Variants in TASOR observed in about 807,000 individuals in gnomAD.
The protein encoded by TASOR is transcription activation suppressor, also known as protein TASOR.
In TASOR, 53 loss-of-function variants were observed where a neutral mutation model predicts 178.6. The ratio of observed to expected loss-of-function variants is 0.30; its 90% CI spans 0.24 to 0.37. The LOEUF (loss-of-function observed/expected upper bound fraction) is 0.37. Ranked by LOEUF, TASOR falls within the 10% of genes least tolerant of loss-of-function variation. The probability of loss-of-function intolerance (pLI) is 1.00; values close to 1 mark genes in which losing one functional copy is unlikely to be tolerated. For missense variants in TASOR, 1,815 were observed against 1,971.4 expected (o/e 0.92, Z 1.50); for synonymous variants, 713 against 696.2 (o/e 1.02, Z -0.38).
intron 11 of TASOR, among the ~76,000 whole-genome samples, chr3:56,656,854 T>C (rs891220314): frequency 4.1e-5 from 6 of 147,568 alleles, no homozygotes; most frequent in African/African-American, 1.5e-4. Context: ...CTACTAAAAA[T>C]ACACAATTAA....
chr3:56,631,965 T>C (rs1179196410), intron 18 of TASOR, among the ~76,000 whole-genome samples: 1 of 152,164 alleles, frequency 6.6e-6, no homozygotes, highest in Non-Finnish European at 1.5e-5. Context: ...ATGAGAAATC[T>C]TTCATGACTG....
intron 17 of TASOR, among the ~76,000 whole-genome samples, chr3:56,634,648 T>A (rs1175695861): frequency 6.6e-6 from 1 of 152,230 alleles, no homozygotes; most frequent in East Asian, 1.9e-4. Flanking sequence ...TATTTTCCTT[T>A]TGTTTGGAAA....
At chr3:56,625,111 A>T (rs2076768692) in intron 21 of TASOR, 105 bp from the exon 22 acceptor site, 2 of 977,136 alleles carry the variant, frequency 2.0e-6, no homozygotes, top group Non-Finnish European at 3.1e-6. Context: ...GCAACTAATG[A>T]CAACTGCACT....
At chr3:56,669,660 G>C in intron 5 of TASOR, 40 bp downstream of exon 5, 1 of 1,232,428 alleles carries the variant, frequency 8.1e-7, no homozygotes, top group Non-Finnish European at 1.1e-6. Flanking sequence ...TCCAAATCAA[G>C]TGTAGTTTTT....
intron 2 of TASOR, among the ~76,000 whole-genome samples, chr3:56,672,457 C>T (rs1236693057): frequency 6.6e-6 from 1 of 152,140 alleles, no homozygotes; most frequent in Non-Finnish European, 1.5e-5. Context: ...CTTGGTTAAC[C>T]AACTTGCAAA....
intron 15 of TASOR, 28 bp downstream of exon 15, chr3:56,641,321 C>CA: frequency 1.3e-6 from 2 of 1,553,980 alleles, no homozygotes; most frequent in Non-Finnish European, 1.8e-6. Flanking sequence ...CTCACAAACA[C>CA]AAAGGTAACC....
chr3:56,636,478 C>T (rs890173945), intron 17 of TASOR, among the ~76,000 whole-genome samples: 2 of 148,170 alleles, frequency 1.3e-5, no homozygotes, highest in Non-Finnish European at 3.0e-5. Context: ...GATCTCGGCT[C>T]ACTGCAACCT....
Position 56,641,579 on chromosome 3 carries a change from A to T in TASOR, c.2389T>A (p.Leu797Ile). Residue 797 changes from leucine (L) to isoleucine (I), a missense_variant, in exon 15 of 24, where the codon TTA becomes ATA. Physicochemically the swap from Leu to Ile is conservative, Grantham distance 5 (BLOSUM62 2). Around this residue, in one of 5 missense-constraint regions of TASOR, gnomAD observed 655 missense variants for 671.1 expected, o/e 0.98. Coordinates refer to ENST00000683822, the MANE Select transcript of TASOR (RefSeq NM_001365635.2). Reference sequence around the variant, plus strand: ...TAGGCATCATCAGTGCTCAATCCTAAGGCTTTGTTGACTGTGTCTGTCAGA... The same window carrying T: ...TAGGCATCATCAGTGCTCAATCCTATGGCTTTGTTGACTGTGTCTGTCAGA... Reference protein sequence around the residue: ...ASLTDTVNKALGLSTDDAYEE... With the variant: ...ASLTDTVNKAIGLSTDDAYEE... 1 of 1,614,136 alleles carries T rather than the reference A, an allele frequency of 6.2e-7. No homozygotes were observed. The highest frequency in any genetic ancestry group is 8.5e-7 in the Non-Finnish European group (1 of 1,180,024).
chr3:56,669,659 A>C, intron 5 of TASOR, 41 bp downstream of exon 5: 1 of 1,227,622 alleles, frequency 8.1e-7, no homozygotes, highest in Non-Finnish European at 1.1e-6. Flanking sequence ...ATCCAAATCA[A>C]GTGTAGTTTT....
Position 56,653,282 on chromosome 3 carries a change from AAAAAAAAG to A in TASOR, c.1369-4233_1369-4226del, listed in dbSNP as rs1345360087. On this transcript the variant is annotated intron_variant, in intron 11 of 23. Coordinates refer to ENST00000683822, the MANE Select transcript of TASOR (RefSeq NM_001365635.2). Reference sequence around the variant, plus strand: ...CATCTCAAAAAAAAAAAAAAAAAAAAAAAAAAAGAAAAGACAAGCTAAAGAAAATGAGG... The same window carrying A: ...CATCTCAAAAAAAAAAAAAAAAAAAAAAAAGACAAGCTAAAGAAAATGAGG... Among the ~76,000 whole-genome samples, 21 of 106,784 alleles carry A rather than the reference AAAAAAAAG, an allele frequency of 2.0e-4. 2 individuals carry two copies. The highest frequency in any genetic ancestry group is 1.1e-3 in the African/African-American group (18 of 16,590). The allele number at this position is 106,784 out of a possible 152,430, so 70.1% of individuals were successfully genotyped here.
intron 1 of TASOR, among the ~76,000 whole-genome samples, chr3:56,674,825 ATT>A (rs1412152997): frequency 2.6e-5 from 4 of 152,174 alleles, no homozygotes; most frequent in Non-Finnish European, 5.9e-5. Context: ...ATAGTAGGAC[ATT>A]GTTTGTTTTG....
At chr3:56,632,259 C>G (rs1429803442) in intron 18 of TASOR, among the ~76,000 whole-genome samples, 1 of 151,856 alleles carries the variant, frequency 6.6e-6, no homozygotes, top group African/African-American at 2.4e-5. Context: ...GATCACGAGG[C>G]CAGGAGTTCC....
At position 56,668,564 on chromosome 3, in the gene TASOR, A is replaced by C; in HGVS notation, c.736-6T>G. On this transcript the variant is annotated splice_polypyrimidine_tract_variant and splice_region_variant and intron_variant, in intron 5 of 23. Transcript: ENST00000683822. ...TATATACTCTTTATTTTACCCTAAAATAGAGAAAACCTTTTAAGTGTCTAC... is the reference window on the plus strand; with the variant it reads ...TATATACTCTTTATTTTACCCTAAACTAGAGAAAACCTTTTAAGTGTCTAC... 1 of 1,532,280 alleles carries C rather than the reference A, an allele frequency of 6.5e-7. No individual in the cohort carries two copies. Among genetic ancestry groups the C allele is most frequent in the Non-Finnish European group, 8.8e-7 (1 of 1,139,346 alleles). The allele number at this position is 1,532,280 out of a possible 1,614,324, so 94.9% of individuals were successfully genotyped here.
Position 56,683,189 on chromosome 3 carries a change from A to T in TASOR, c.-183T>A, listed in dbSNP as rs2031959277. On this transcript the variant is annotated 5_prime_UTR_variant, in exon 1 of 24. In the 5' UTR this introduces an upstream ATG that the reference lacks. Coordinates refer to ENST00000683822, the MANE Select transcript of TASOR (RefSeq NM_001365635.2). ...GGGGGGCCCTGTAGCGGGCACCCCA[A>T]ATGCGCTGCCCGGTCCTCGGAGCCG... The T allele has an allele frequency of 1.7e-6, 1 of 597,682 alleles. No individual in the cohort carries two copies. Among genetic ancestry groups the T allele is most frequent in the Non-Finnish European group, 2.8e-6 (1 of 353,642 alleles). 37.0% of individuals were successfully genotyped at this position (597,682 alleles called of 1,614,324 possible).
At chr3:56,659,133 T>C (rs2077539523) in intron 11 of TASOR, among the ~76,000 whole-genome samples, 2 of 152,276 alleles carry the variant, frequency 1.3e-5, no homozygotes, top group East Asian at 1.9e-4. Context: ...CACATATATA[T>C]GAAAATAATT....
intron 1 of TASOR, among the ~76,000 whole-genome samples, chr3:56,678,801 A>T (rs1156894524): frequency 1.3e-5 from 2 of 152,090 alleles, no homozygotes; most frequent in South Asian, 2.1e-4. Context: ...ACTTCAGGTC[A>T]GGAGTTCCAG....
At chr3:56,634,139 AC>A (rs1279141888) in intron 17 of TASOR, among the ~76,000 whole-genome samples, 173 bp from the exon 18 acceptor site, 1 of 152,222 alleles carries the variant, frequency 6.6e-6, no homozygotes, top group Non-Finnish European at 1.5e-5. Context: ...TATGTGCCCT[AC>A]TTATGGGATG....
In TASOR at chr3:56,670,098, T is replaced by C. The variant is rs780390563; in HGVS notation, c.618A>G (p.Ile206Met). 19 of 1,540,378 alleles carry C rather than the reference T, an allele frequency of 1.2e-5. No individual in the cohort carries two copies. In the Middle Eastern group the frequency reaches 8.4e-4, roughly 68 times the overall value. ...EKGLHVGQSK[I>M]TILGSPSMGV... ...CCATGGAAGGACTGCCAAGAATTGT[T>C]ATTTTGGACTGACCCACATGTAATC... The change falls in exon 4 of 24, where the codon ATA becomes ATG. Residue 206 changes from isoleucine to methionine, a missense_variant. Around this residue, in one of 5 missense-constraint regions of TASOR, gnomAD observed 504 missense variants for 645.3 expected, o/e 0.78. Coordinates refer to ENST00000683822, the MANE Select transcript of TASOR (RefSeq NM_001365635.2).
chr3:56,625,172 AAG>A (rs1491204726), intron 21 of TASOR, among the ~76,000 whole-genome samples, 166 bp from the exon 22 acceptor site: 1 of 152,178 alleles, frequency 6.6e-6, no homozygotes, highest in Non-Finnish European at 1.5e-5. Flanking sequence ...GAAAGAAAGA[AAG>A]AAGGGATAAG....
Sources: gnomAD v4.1 joint callset for allele counts (sites outside exome capture counted in the v4.1 genomes callset) on GRCh38, gnomAD v4.1.1 for gene constraint, gnomAD v4.1.1 regional missense constraint, MANE v1.5 for transcripts, NCBI Gene and HGNC (gene_info 2026-07-23, HGNC 2026-07-21) for gene names.